PCDHA2: variants seen among roughly 807,000 people sequenced by gnomAD.
PCDHA2 encodes the protein protocadherin alpha-2.
A neutral mutation model predicts 66.0 loss-of-function variants in PCDHA2; 58 were observed. That is an observed-to-expected ratio of 0.88 (90% CI 0.71 to 1.09). The LOEUF (loss-of-function observed/expected upper bound fraction) is 1.09, where lower values mean the gene tolerates loss of function less well. Among genes scored for constraint, PCDHA2 ranks in the 50% least tolerant of loss-of-function variants. PCDHA2 has a pLI of 0.00. For synonymous variants in PCDHA2, 634 were observed against 554.0 expected (o/e 1.14, Z -2.03); for missense variants, 1,267 against 1,242.3 (o/e 1.02, Z -0.30).
intron 1 of PCDHA2, among the ~76,000 whole-genome samples, chr5:140,963,640 CT>C (rs1426012343): frequency 6.6e-6 from 1 of 152,164 alleles, no homozygotes; most frequent in African/African-American, 2.4e-5. Flanking sequence ...CGCATCTTCC[CT>C]ATCATGGTTG....
At position 140,829,133 on chromosome 5, in the gene PCDHA2, C is replaced by T. The variant is rs1554131766; in HGVS notation, c.2388+31781C>T. ...AATTTTGGATAAAAATGATAACGTC[C>T]CTGAGATAGCACTGACTTCCTTATC... On this transcript the variant is annotated intron_variant, in intron 1 of 3. Transcript: ENST00000526136. 6.2e-7 allele frequency: 1 copy of T among 1,612,836 alleles called. No homozygotes were observed. Among genetic ancestry groups the T allele is most frequent in the Admixed American group, 1.7e-5 (1 of 60,014 alleles).
intron 1 of PCDHA2, chr5:140,876,400 T>G: frequency 1.2e-6 from 2 of 1,613,928 alleles, no homozygotes; most frequent in Non-Finnish European, 1.7e-6. Context: ...TGAACTGGAT[T>G]TTGAAGAGAA....
intron 1 of PCDHA2, among the ~76,000 whole-genome samples, chr5:140,932,387 T>C (rs1419863335): frequency 6.6e-6 from 1 of 151,960 alleles, no homozygotes; most frequent in Non-Finnish European, 1.5e-5. Context: ...AAGTTATACA[T>C]AGTTTCAACA....
chr5:140,812,332 G>C (rs1296138326), intron 1 of PCDHA2: 1 of 151,914 alleles, frequency 6.6e-6, no homozygotes, highest in Non-Finnish European at 1.5e-5. Context: ...TGTGGCATCA[G>C]GTGTAATGCC....
intron 1 of PCDHA2, among the ~76,000 whole-genome samples, chr5:140,925,799 C>G (rs1200619545): frequency 6.6e-6 from 1 of 151,996 alleles, no homozygotes; most frequent in Non-Finnish European, 1.5e-5. Flanking sequence ...CAGTACTTTC[C>G]CCTCCACTTC....
intron 1 of PCDHA2, chr5:140,825,468 A>G (rs1470397063): frequency 1.3e-5 from 2 of 149,758 alleles, no homozygotes; most frequent in Non-Finnish European, 3.0e-5. Context: ...TTGATACAGA[A>G]TTTTGCTCTT....
In PCDHA2 at chr5:140,858,166, C is replaced by T. The variant is rs781812057; in HGVS notation, c.2388+60814C>T. 1.9e-6 allele frequency: 3 copies of T among 1,597,908 alleles called. 1 individual carries two copies. The South Asian group carries it at 3.3e-5, about 18-fold the overall frequency. On this transcript the variant is annotated intron_variant, in intron 1 of 3. Transcript: ENST00000526136. ...TGATCATCGCCATCTGCGCGGTGTC[C>T]AGCTTGCTGGTGCTCACGCTGCTGC...
chr5:140,928,280 C>A, intron 1 of PCDHA2: 1 of 1,614,194 alleles, frequency 6.2e-7, no homozygotes, highest in Non-Finnish European at 8.5e-7. Context: ...CCTGGGGCCT[C>A]TCTAGGCCGA....
intron 1 of PCDHA2, chr5:140,802,972 C>A: frequency 1.2e-6 from 2 of 1,613,982 alleles, no homozygotes; most frequent in Non-Finnish European, 8.5e-7. Context: ...CACGTGGTAG[C>A]GAAGGTGCGC....
At chr5:140,923,104 A>AT (rs2081172107) in intron 1 of PCDHA2, among the ~76,000 whole-genome samples, 1 of 152,194 alleles carries the variant, frequency 6.6e-6, no homozygotes, top group Admixed American at 6.5e-5. Context: ...TGGGAGTATG[A>AT]TTTTAAGTTT....
chr5:140,888,322 C>T (rs983342995), intron 1 of PCDHA2, among the ~76,000 whole-genome samples: 23 of 152,148 alleles, frequency 1.5e-4, no homozygotes, highest in African/African-American at 5.6e-4. Context: ...TGCCTGGATA[C>T]ATTTTTGGTT....
At chr5:140,923,983 T>C (rs1180891950) in intron 1 of PCDHA2, among the ~76,000 whole-genome samples, 1 of 152,220 alleles carries the variant, frequency 6.6e-6, no homozygotes, top group African/African-American at 2.4e-5. Context: ...ACTATCCCTC[T>C]AGGTGCAGCT....
intron 1 of PCDHA2, 119 bp from the exon 2 acceptor site, chr5:140,978,830 C>A: frequency 1.3e-6 from 2 of 1,535,340 alleles, no homozygotes; most frequent in Non-Finnish European, 1.8e-6. Context: ...TGAAATGGCT[C>A]ATTCAATACT....
chr5:140,833,851 C>G (rs148977790), intron 1 of PCDHA2, among the ~76,000 whole-genome samples: 4 of 152,118 alleles, frequency 2.6e-5, no homozygotes, highest in Admixed American at 2.6e-4. Flanking sequence ...TCTTAACAAG[C>G]GATACTGAAT....
intron 1 of PCDHA2, chr5:140,802,552 C>G: frequency 6.2e-7 from 1 of 1,614,198 alleles, no homozygotes; most frequent in Non-Finnish European, 8.5e-7. Flanking sequence ...AACGACAATG[C>G]GCCGGCATTC....
rs200664126 is a variant in PCDHA2 at position 140,843,124 on chromosome 5, G to A, written c.2388+45772G>A. 390 of 1,595,868 alleles carry A rather than the reference G, an allele frequency of 2.4e-4. 33 individuals are homozygous for A. Among genetic ancestry groups the A allele is most frequent in the Non-Finnish European group, 2.8e-4 (332 of 1,165,564 alleles). ...AGGTGCGCGCAGTGGACGCCGACTCGGGCTACAACGCGTGGCTTTCGTATG... is the reference window on the plus strand; with the variant it reads ...AGGTGCGCGCAGTGGACGCCGACTCAGGCTACAACGCGTGGCTTTCGTATG... On this transcript the variant is annotated intron_variant, in intron 1 of 3. Coordinates refer to ENST00000526136, the MANE Select transcript of PCDHA2 (RefSeq NM_018905.3).
In PCDHA2 at chr5:140,876,482, T is replaced by G. The variant is rs372044061; in HGVS notation, c.2388+79130T>G. The G allele has an allele frequency of 1.8e-4, 291 of 1,613,904 alleles. No individual in the cohort carries two copies. The highest frequency in any genetic ancestry group is 2.4e-4 in the Non-Finnish European group (285 of 1,179,894). On this transcript the variant is annotated intron_variant, in intron 1 of 3. Transcript: ENST00000526136. The stretch of plus-strand genomic sequence containing the variant: ...TCCATGGCAGGTCACAGCATGGTCC[T>G]GGTGGAAGTTCTGGACGTGAATGAC...
At chr5:140,976,566 A>C (rs2096723160) in intron 1 of PCDHA2, among the ~76,000 whole-genome samples, 2 of 152,098 alleles carry the variant, frequency 1.3e-5, no homozygotes, top group African/African-American at 4.8e-5. Flanking sequence ...TAAATAAATA[A>C]ATATAAATAA....
chr5:140,825,459 T>C (rs2150074566), intron 1 of PCDHA2: 1 of 149,426 alleles, frequency 6.7e-6, no homozygotes, highest in South Asian at 2.1e-4. Flanking sequence ...TCAGATATTT[T>C]GATACAGAAT....
Sources: allele counts gnomAD v4.1 joint callset (sites outside exome capture counted in the v4.1 genomes callset), GRCh38; gene constraint gnomAD v4.1.1; transcripts MANE v1.5; gene names NCBI Gene and HGNC (gene_info 2026-07-23, HGNC 2026-07-21).